EIF2AK4: variants seen among roughly 807,000 people sequenced by gnomAD.
EIF2AK4 encodes the protein eIF-2-alpha kinase GCN2.
In EIF2AK4, 139 loss-of-function variants were observed where a neutral mutation model predicts 211.1. The observed-to-expected ratio is 0.66, with a 90% confidence interval of 0.57 to 0.76. EIF2AK4 has a LOEUF of 0.76. Ranked by LOEUF, EIF2AK4 falls within the 30% of genes least tolerant of loss-of-function variation. The probability of loss-of-function intolerance (pLI) is 0.00; values close to 1 mark genes in which losing one functional copy is unlikely to be tolerated. For synonymous variants in EIF2AK4, 710 were observed against 751.3 expected (o/e 0.94, Z 0.90); for missense variants, 1,664 against 2,043.8 (o/e 0.81, Z 3.58).
intron 20 of EIF2AK4, 112 bp from the exon 21 acceptor site, chr15:40,000,876 G>A (rs2035080526): frequency 9.8e-7 from 1 of 1,024,496 alleles, no homozygotes. Flanking sequence ...TCAGTTAAGT[G>A]CAAGAATAGT....
In EIF2AK4 at chr15:39,976,671, C is replaced by T. The variant is rs1227607611; in HGVS notation, c.2076C>T (p.Gly692=). The change falls in exon 12 of 39, where the codon GGC becomes GGT. Residue 692 remains glycine (G), a synonymous_variant. Transcript: ENST00000263791. ...GGCAGCCGGCGAGCGACACAGACGG[C>T]CTGGACAGCGTAGAGGCCGCCGCGC... is the stretch of plus-strand genomic sequence containing the variant. ...ARGQPASDTD[G]LDSVEAAAPP... 2 of 1,604,708 alleles carry T rather than the reference C, an allele frequency of 1.2e-6. No homozygotes were observed. Among genetic ancestry groups the T allele is most frequent in the East Asian group, 2.2e-5 (1 of 44,698 alleles).
At chr15:39,946,649 T>A (rs527655880) in intron 3 of EIF2AK4, 4 of 700,518 alleles carry the variant, frequency 5.7e-6, no homozygotes, top group Non-Finnish European at 1.0e-5. Context: ...ACTCAAAGGC[T>A]ATCAAACAGC....
chr15:39,973,818 G>A, intron 11 of EIF2AK4, 69 bp downstream of exon 11: 1 of 1,560,114 alleles, frequency 6.4e-7, no homozygotes, highest in Non-Finnish European at 8.7e-7. Flanking sequence ...AAAGACTCAT[G>A]GACTTTACTT....
intron 23 of EIF2AK4, among the ~76,000 whole-genome samples, chr15:40,004,447 G>A (rs560850199): frequency 6.6e-6 from 1 of 152,316 alleles, no homozygotes; most frequent in African/African-American, 2.4e-5. Context: ...AGGCACAGTG[G>A]CTCATGCCTG....
chr15:39,955,792 T>C, intron 6 of EIF2AK4, 24 bp downstream of exon 6: 1 of 1,563,998 alleles, frequency 6.4e-7, no homozygotes, highest in Non-Finnish European at 8.6e-7. Flanking sequence ...ATTTCTGATC[T>C]GGGAGAATGA....
chr15:39,997,140 G>T, intron 19 of EIF2AK4, 75 bp downstream of exon 19: 1 of 1,110,266 alleles, frequency 9.0e-7, no homozygotes, highest in Non-Finnish European at 1.4e-6. Context: ...TTCAAAGCAG[G>T]ATATTTTTCT....
intron 18 of EIF2AK4, 31 bp from the exon 19 acceptor site, chr15:39,996,933 C>G (rs2035025893): frequency 7.0e-7 from 1 of 1,421,346 alleles, no homozygotes; most frequent in East Asian, 2.3e-5. Context: ...CATATCAAGG[C>G]TCTCTAAATG....
chr15:39,953,306 G>A (rs534228191), intron 4 of EIF2AK4, among the ~76,000 whole-genome samples: 18 of 152,206 alleles, frequency 1.2e-4, no homozygotes, highest in Non-Finnish European at 2.9e-5. Flanking sequence ...TATGGTTTTT[G>A]GTGAATCTCT....
intron 21 of EIF2AK4, 123 bp downstream of exon 21, chr15:40,001,347 T>A: frequency 1.1e-6 from 1 of 939,182 alleles, no homozygotes; most frequent in Middle Eastern, 3.4e-4. Flanking sequence ...TGGAAGCCCC[T>A]AAAAGTACAT....
Position 40,011,369 on chromosome 15 carries a change from A to G in EIF2AK4, c.3759+23A>G, listed in dbSNP as rs536068689. ...AGTGTAAGTACCTTCTAATGGTATT[A>G]TTACAGCTTTCTCTGTAATTTTGTG... On this transcript the variant is annotated intron_variant, in intron 27 of 38. Transcript: ENST00000263791. 5 of 1,581,176 alleles carry G rather than the reference A, an allele frequency of 3.2e-6. No homozygotes were observed. In the Middle Eastern group the frequency reaches 5.0e-4, roughly 159 times the overall value.
At chr15:40,000,445 A>G (rs1318140991) in intron 20 of EIF2AK4, among the ~76,000 whole-genome samples, 2 of 152,244 alleles carry the variant, frequency 1.3e-5, no homozygotes, top group Non-Finnish European at 2.9e-5. Flanking sequence ...GATTGCCTTC[A>G]TATGGTTCAC....
chr15:40,005,680 T>C lies in EIF2AK4; in HGVS notation c.3358-1336T>C, dbSNP rs186015981. 2.7e-3 allele frequency among the ~76,000 whole-genome samples: 407 copies of C among 151,690 alleles called. 2 individuals are homozygous for C. Among genetic ancestry groups the C allele is most frequent in the African/African-American group, 9.5e-3 (395 of 41,440 alleles). ...TCCGCCTCCCGGGTTCACGCCATTC[T>C]CCTGCCTCACCCTCCCGAGTAGCTG... On this transcript the variant is annotated intron_variant, in intron 23 of 38. Transcript: ENST00000263791.
At chr15:39,993,377 A>G (rs1240125563) in intron 18 of EIF2AK4, among the ~76,000 whole-genome samples, 1 of 152,232 alleles carries the variant, frequency 6.6e-6, no homozygotes, top group East Asian at 1.9e-4. Flanking sequence ...TATAGCCACA[A>G]ATTGTGGTGA....
intron 12 of EIF2AK4, 113 bp downstream of exon 12, chr15:39,976,957 C>G: frequency 1.5e-6 from 2 of 1,302,250 alleles, no homozygotes; most frequent in Non-Finnish European, 2.0e-6. Context: ...TCTTTTCTTT[C>G]TTTCCTTTTT....
intron 9 of EIF2AK4, among the ~76,000 whole-genome samples, chr15:39,969,639 C>T (rs1173129441): frequency 1.3e-5 from 2 of 152,120 alleles, no homozygotes; most frequent in Non-Finnish European, 2.9e-5. Context: ...GGATTACAGG[C>T]GTGAGCCATA....
intron 36 of EIF2AK4, 123 bp from the exon 37 acceptor site, chr15:40,032,634 T>C: frequency 2.4e-6 from 2 of 833,998 alleles, no homozygotes; most frequent in East Asian, 2.6e-5. Flanking sequence ...TAAGCCCTTT[T>C]ACAGCACAAT....
intron 22 of EIF2AK4, among the ~76,000 whole-genome samples, 194 bp downstream of exon 22, chr15:40,002,982 A>G (rs1427954491): frequency 1.3e-5 from 2 of 152,232 alleles, no homozygotes; most frequent in African/African-American, 2.4e-5. Flanking sequence ...CTAAAATGCA[A>G]TTGGTTTGTG....
intron 37 of EIF2AK4, 85 bp from the exon 38 acceptor site, chr15:40,034,241 C>T: frequency 2.0e-6 from 2 of 980,532 alleles, no homozygotes; most frequent in Non-Finnish European, 3.2e-6. Context: ...AGGGAAATGA[C>T]ACTGGAATTT....
In EIF2AK4 at chr15:39,973,712, A is replaced by G; in HGVS notation, c.1781A>G (p.Gln594Arg). Residue 594 changes from glutamine to arginine, a missense_variant, in exon 11 of 39, where the codon CAA becomes CGA. By Grantham distance (43) the Gln-to-Arg change is conservative (BLOSUM62 1). This residue lies in a region of EIF2AK4 where 641 missense variants were observed against 729.6 expected (regional missense o/e 0.88). Coordinates refer to ENST00000263791, the MANE Select transcript of EIF2AK4 (RefSeq NM_001013703.4). Reference sequence around the variant, plus strand: ...TACTTCATTGAGTTTGAAGAATTACAACTTCTTGGTAAAGGAGCTTTTGGA... The same window carrying G: ...TACTTCATTGAGTTTGAAGAATTACGACTTCTTGGTAAAGGAGCTTTTGGA... ...SRYFIEFEEL[Q>R]LLGKGAFGAV... 6.2e-7 allele frequency: 1 copy of G among 1,614,158 alleles called. No individual in the cohort carries two copies. Among genetic ancestry groups the G allele is most frequent in the South Asian group, 1.1e-5 (1 of 91,078 alleles).
Sources: gnomAD v4.1 joint callset for allele counts (sites outside exome capture counted in the v4.1 genomes callset) on GRCh38, gnomAD v4.1.1 for gene constraint, gnomAD v4.1.1 regional missense constraint, MANE v1.5 for transcripts, NCBI Gene and HGNC (gene_info 2026-07-23, HGNC 2026-07-21) for gene names.